Variants in EYA1 observed in about 807,000 individuals in gnomAD.
EYA1 encodes the protein EYA transcriptional coactivator and phosphatase 1.
Under a neutral mutation model 82.0 loss-of-function variants are expected in EYA1, and 16 were observed. The ratio of observed to expected loss-of-function variants is 0.20; its 90% CI spans 0.13 to 0.30. EYA1 has a LOEUF of 0.30. Ranked by LOEUF, EYA1 falls within the 10% of genes least tolerant of loss-of-function variation. The probability of loss-of-function intolerance (pLI) is 1.00; values close to 1 mark genes in which losing one functional copy is unlikely to be tolerated. For missense variants in EYA1, 633 were observed against 730.7 expected (o/e 0.87, Z 1.54); for synonymous variants, 261 against 264.4 (o/e 0.99, Z 0.12).
intron 2 of EYA1, among the ~76,000 whole-genome samples, chr8:71,388,623 A>G (rs1341972077): frequency 1.3e-5 from 2 of 152,168 alleles, no homozygotes; most frequent in African/African-American, 4.8e-5. Flanking sequence ...AAGAACAACC[A>G]TATTATTCCA....
intron 1 of EYA1, among the ~76,000 whole-genome samples, chr8:71,539,357 T>C (rs943010334): frequency 1.3e-5 from 2 of 152,158 alleles, no homozygotes; most frequent in African/African-American, 4.8e-5. Flanking sequence ...ATGCAGCCCC[T>C]TCCAAGGCCA....
At chr8:71,264,713 G>A (rs1035883616) in intron 11 of EYA1, among the ~76,000 whole-genome samples, 2 of 151,784 alleles carry the variant, frequency 1.3e-5, no homozygotes, top group African/African-American at 4.8e-5. Context: ...CAAGCAGCTA[G>A]GACTACACGC....
Position 71,321,749 on chromosome 8 carries a change from C to T in EYA1, c.403G>A (p.Gly135Ser), listed in dbSNP as rs747476629. The T allele has an allele frequency of 7.0e-5, 113 of 1,614,094 alleles. No homozygotes were observed. The East Asian group carries it at 1.8e-3, about 26-fold the overall frequency. Residue 135 changes from glycine to serine, a missense_variant, in exon 6 of 18, where the codon GGC becomes AGC. Transcript: ENST00000340726. ...ATYPQPGQPY[G>S]ISSYGALWAG... Reference sequence around the variant, plus strand: ...GGTTACTCACCATATGAGGAAATGCCGTACGGCTGTCCTGGCTGTGGGTAC... The same window carrying T: ...GGTTACTCACCATATGAGGAAATGCTGTACGGCTGTCCTGGCTGTGGGTAC...
At chr8:71,267,807 C>G (rs1563726791) in intron 11 of EYA1, among the ~76,000 whole-genome samples, 1 of 152,154 alleles carries the variant, frequency 6.6e-6, no homozygotes, top group Non-Finnish European at 1.5e-5. Context: ...CTTGGCCTCC[C>G]AAAGTGCTGG....
chr8:71,392,401 A>G (rs1228269100), intron 2 of EYA1, among the ~76,000 whole-genome samples: 1 of 152,118 alleles, frequency 6.6e-6, no homozygotes, highest in Non-Finnish European at 1.5e-5. Context: ...CCATGACAGG[A>G]AAGAGGGGGA....
At chr8:71,268,998 G>T (rs941324878) in intron 11 of EYA1, among the ~76,000 whole-genome samples, 2 of 152,094 alleles carry the variant, frequency 1.3e-5, no homozygotes, top group East Asian at 1.9e-4. Context: ...CAAGAGAAAT[G>T]AAATATTAGC....
intron 14 of EYA1, 35 bp from the exon 15 acceptor site, chr8:71,215,763 T>C (rs1385766713): frequency 7.9e-6 from 11 of 1,389,756 alleles, no homozygotes; most frequent in African/African-American, 5.7e-5. Flanking sequence ...AACTACTTCC[T>C]GACCAACATA....
chr8:71,232,050 T>C (rs901885666), intron 12 of EYA1, among the ~76,000 whole-genome samples: 1 of 152,244 alleles, frequency 6.6e-6, no homozygotes, highest in South Asian at 2.1e-4. Context: ...TAGAAAGGTT[T>C]TGTGCAATGA....
chr8:71,507,822 A>T (rs1168899997), intron 2 of EYA1, among the ~76,000 whole-genome samples: 2 of 152,226 alleles, frequency 1.3e-5, no homozygotes, highest in Non-Finnish European at 2.9e-5. Flanking sequence ...TGGACATTCT[A>T]GGGAGTAAGA....
At chr8:71,356,186 T>C (rs1479619190) in intron 2 of EYA1, among the ~76,000 whole-genome samples, 1 of 152,200 alleles carries the variant, frequency 6.6e-6, no homozygotes, top group Non-Finnish European at 1.5e-5. Flanking sequence ...AAACTAGAAA[T>C]GGTCTAAAAT....
At position 71,199,159 on chromosome 8, in the gene EYA1, T is replaced by C. The variant is rs1383636450; in HGVS notation, c.*181A>G. 1 of 665,414 alleles carries C rather than the reference T, an allele frequency of 1.5e-6. No homozygotes were observed. Among genetic ancestry groups the C allele is most frequent in the African/African-American group, 1.8e-5 (1 of 56,568 alleles). The allele number at this position is 665,414 out of a possible 1,614,324, so 41.2% of individuals were successfully genotyped here. On this transcript the variant is annotated 3_prime_UTR_variant, in exon 18 of 18. Coordinates refer to ENST00000340726, the MANE Select transcript of EYA1 (RefSeq NM_000503.6). ...TCACAGTACTAGAGTCAACAGCTGTTCTGATGAAATAGACGTGGTCCTCCA... is the reference window on the plus strand; with the variant it reads ...TCACAGTACTAGAGTCAACAGCTGTCCTGATGAAATAGACGTGGTCCTCCA...
At chr8:71,360,335 G>A (rs1827264138) in intron 1 of EYA1, among the ~76,000 whole-genome samples, 1 of 152,156 alleles carries the variant, frequency 6.6e-6, no homozygotes, top group African/African-American at 2.4e-5. Flanking sequence ...TAAACAAGTG[G>A]TTTTATTCTT....
intron 4 of EYA1, among the ~76,000 whole-genome samples, chr8:71,325,612 A>G (rs1823062314): frequency 1.3e-5 from 2 of 152,360 alleles, no homozygotes; most frequent in South Asian, 4.1e-4. Context: ...AGTTTTTTTA[A>G]TAAACATACA....
intron 2 of EYA1, among the ~76,000 whole-genome samples, chr8:71,491,301 C>G (rs1004782097): frequency 6.6e-6 from 1 of 152,150 alleles, no homozygotes; most frequent in Non-Finnish European, 1.5e-5. Flanking sequence ...TTTGAAGAGG[C>G]TGAACTCTGT....
At chr8:71,270,235 T>C (rs541736814) in intron 10 of EYA1, 1 of 167,968 alleles carries the variant, frequency 6.0e-6, no homozygotes, top group African/African-American at 2.4e-5. Flanking sequence ...AGCACTAAAA[T>C]AATGAATCTT....
intron 2 of EYA1, among the ~76,000 whole-genome samples, chr8:71,457,662 C>G (rs1258974269): frequency 2.0e-5 from 3 of 152,018 alleles, no homozygotes; most frequent in African/African-American, 4.8e-5. Context: ...ATCACAAGGA[C>G]AAAAAACCAA....
intron 2 of EYA1, among the ~76,000 whole-genome samples, chr8:71,510,885 T>TC (rs1258180012): frequency 6.6e-6 from 1 of 152,254 alleles, no homozygotes; most frequent in East Asian, 1.9e-4. Flanking sequence ...AATCCATCAC[T>TC]CAGCTAGATC....
At chr8:71,225,499 G>A (rs1810450011) in intron 12 of EYA1, among the ~76,000 whole-genome samples, 1 of 152,166 alleles carries the variant, frequency 6.6e-6, no homozygotes, top group Admixed American at 6.5e-5. Context: ...AAAACAAAAG[G>A]AGTTTTGAAA....
At chr8:71,225,176 T>G in intron 12 of EYA1, 15 of 455,610 alleles carry the variant, frequency 3.3e-5, no homozygotes, top group South Asian at 2.3e-4. Context: ...ATGATTCCAT[T>G]GTGCTTTCTA....
Sources: allele counts gnomAD v4.1 joint callset (sites outside exome capture counted in the v4.1 genomes callset), GRCh38; gene constraint gnomAD v4.1.1; transcripts MANE v1.5; gene names NCBI Gene and HGNC (gene_info 2026-07-23, HGNC 2026-07-21).